The following CYRIB variants were observed in gnomAD, a reference collection of about 807,000 sequenced individuals.
CYRIB encodes the protein CYFIP related Rac1 interactor B, also known as CYFIP-related Rac1 interactor B.
Under a neutral mutation model 44.2 loss-of-function variants are expected in CYRIB, and 8 were observed. The observed-to-expected ratio is 0.18, with a 90% CI of 0.11 to 0.33. The LOEUF (loss-of-function observed/expected upper bound fraction) is 0.33. CYRIB is among the 10% of genes least tolerant of loss of function. CYRIB has a pLI of 1.00. For missense variants in CYRIB, 185 were observed against 382.8 expected (o/e 0.48, Z 4.31); for synonymous variants, 131 against 127.2 (o/e 1.03, Z -0.20).
intron 7 of CYRIB, among the ~76,000 whole-genome samples, chr8:129,853,712 TA>T (rs1406913172): frequency 6.6e-6 from 1 of 152,150 alleles, no homozygotes; most frequent in African/African-American, 2.4e-5. Flanking sequence ...TTAAGAGACC[TA>T]AAGAAGCCAG....
intron 1 of CYRIB, among the ~76,000 whole-genome samples, chr8:129,975,561 G>A (rs960603854): frequency 6.6e-6 from 1 of 152,010 alleles, no homozygotes; most frequent in African/African-American, 2.4e-5. Flanking sequence ...TCTGATAAAC[G>A]CCACGGAGCA....
intron 1 of CYRIB, among the ~76,000 whole-genome samples, chr8:129,983,870 C>T (rs368505150): frequency 6.6e-6 from 1 of 152,190 alleles, no homozygotes; most frequent in African/African-American, 2.4e-5. Context: ...CCCATAAAGC[C>T]GATCTTCGCC....
intron 1 of CYRIB, among the ~76,000 whole-genome samples, chr8:129,995,711 T>A (rs373635020): frequency 2.6e-5 from 4 of 152,212 alleles, no homozygotes; most frequent in African/African-American, 9.6e-5. Flanking sequence ...TTGCTGGGCA[T>A]CACAGATTTC....
chr8:129,862,151 T>TA (rs1564248683), intron 5 of CYRIB, 78 bp downstream of exon 7: 4 of 1,076,826 alleles, frequency 3.7e-6, no homozygotes, highest in Admixed American at 2.0e-5. Context: ...ATTATGAACA[T>TA]AAAAAAACTC....
chr8:129,891,708 T>C (rs1243709743), intron 2 of CYRIB, among the ~76,000 whole-genome samples: 2 of 152,264 alleles, frequency 1.3e-5, no homozygotes, highest in Admixed American at 6.5e-5. Context: ...CCTGACTCTA[T>C]CATAAAATGC....
intron 1 of CYRIB, among the ~76,000 whole-genome samples, chr8:129,929,788 T>C (rs2090140870): frequency 6.6e-6 from 1 of 152,226 alleles, no homozygotes; most frequent in African/African-American, 2.4e-5. Flanking sequence ...TACAAGACTT[T>C]ATGTGCAATG....
chr8:129,937,475 A>T (rs2093021204), intron 1 of CYRIB, among the ~76,000 whole-genome samples: 1 of 152,366 alleles, frequency 6.6e-6, no homozygotes, highest in South Asian at 2.1e-4. Context: ...TTCAAATATC[A>T]GTCAAATAAT....
intron 1 of CYRIB, among the ~76,000 whole-genome samples, chr8:129,905,318 C>T (rs1052532579): frequency 6.6e-6 from 1 of 152,074 alleles, no homozygotes; most frequent in Non-Finnish European, 1.5e-5. Context: ...CCCAGGTTCA[C>T]GCGATTTTCC....
chr8:129,924,100 T>G (rs1404446940), intron 1 of CYRIB, among the ~76,000 whole-genome samples: 7 of 59,780 alleles, frequency 1.2e-4, no homozygotes, highest in Admixed American at 2.5e-4. Flanking sequence ...TGAGATTCTA[T>G]CTCCACCCCA....
intron 2 of CYRIB, among the ~76,000 whole-genome samples, chr8:129,968,790 C>G (rs1177754535): frequency 6.6e-6 from 1 of 152,048 alleles, no homozygotes; most frequent in Non-Finnish European, 1.5e-5. Context: ...AGTCAAGCTT[C>G]CTCTCTATTT....
intron 1 of CYRIB, among the ~76,000 whole-genome samples, chr8:129,934,499 T>C (rs1191194652): frequency 2.0e-5 from 3 of 152,136 alleles, no homozygotes; most frequent in African/African-American, 7.2e-5. Context: ...GCAGGCCAGG[T>C]CTCACTAATG....
chr8:129,938,327 G>C (rs1038504883), intron 1 of CYRIB, among the ~76,000 whole-genome samples: 6 of 152,136 alleles, frequency 3.9e-5, no homozygotes, highest in African/African-American at 1.2e-4. Flanking sequence ...AAAATAATTT[G>C]CGATAGTAAG....
At chr8:130,003,025 C>T (rs544079914) in intron 1 of CYRIB, among the ~76,000 whole-genome samples, 1 of 152,334 alleles carries the variant, frequency 6.6e-6, no homozygotes, top group African/African-American at 2.4e-5. Context: ...ATGTGAGTAT[C>T]TGTAATTACT....
intron 2 of CYRIB, among the ~76,000 whole-genome samples, chr8:129,946,578 G>A (rs762874319): frequency 6.6e-6 from 1 of 152,176 alleles, no homozygotes; most frequent in South Asian, 2.1e-4. Context: ...GATGACATCA[G>A]AGCCGCTATT....
chr8:129,845,996 C>T (rs1220256770), intron 11 of CYRIB, among the ~76,000 whole-genome samples: 2 of 151,998 alleles, frequency 1.3e-5, no homozygotes, highest in Admixed American at 6.6e-5. Context: ...ATACAAAATA[C>T]AGGCACATGC....
chr8:129,862,727 C>A (rs1478467719), intron 4 of CYRIB, among the ~76,000 whole-genome samples: 1 of 152,180 alleles, frequency 6.6e-6, no homozygotes, highest in African/African-American at 2.4e-5. Context: ...CCACCTTGGC[C>A]TCCCAAAGTG....
chr8:129,845,051 C>T (rs925411773), intron 11 of CYRIB, among the ~76,000 whole-genome samples: 3 of 152,116 alleles, frequency 2.0e-5, no homozygotes, highest in African/African-American at 4.8e-5. Flanking sequence ...CTCCGTGGTG[C>T]TTTCCTTCCC....
At chr8:129,861,879 T>C (rs769078586) in intron 5 of CYRIB, among the ~76,000 whole-genome samples, 2 of 152,164 alleles carry the variant, frequency 1.3e-5, no homozygotes, top group Non-Finnish European at 2.9e-5. Context: ...AGAATCTCTC[T>C]CCATCGCTAC....
intron 8 of CYRIB, chr8:129,851,340 T>C (rs1188892086): frequency 6.1e-6 from 1 of 163,492 alleles, no homozygotes; most frequent in Non-Finnish European, 1.3e-5. Flanking sequence ...GGGGCAAGAG[T>C]GGAGGAAGTA....
Sources: allele counts gnomAD v4.1 joint callset (sites outside exome capture counted in the v4.1 genomes callset), GRCh38; gene constraint gnomAD v4.1.1; transcripts MANE v1.5; gene names NCBI Gene and HGNC (gene_info 2026-07-23, HGNC 2026-07-21).